The following CCT4 variants were observed in gnomAD, a reference collection of about 807,000 sequenced individuals.
CCT4 encodes chaperonin containing TCP1 subunit 4.
A neutral mutation model predicts 62.5 loss-of-function variants in CCT4; 17 were observed. The ratio of observed to expected loss-of-function variants is 0.27; its 90% confidence interval spans 0.19 to 0.41. CCT4 has a LOEUF of 0.41. Ranked by LOEUF, CCT4 falls within the 10% of genes least tolerant of loss-of-function variation. The pLI is 1.00. For missense variants in CCT4, 592 were observed against 659.2 expected (o/e 0.90, Z 1.12); for synonymous variants, 250 against 229.9 (o/e 1.09, Z -0.79).
At chr2:61,881,430 ATTTC>A (rs1232005906) in intron 3 of CCT4, among the ~76,000 whole-genome samples, 2 of 152,008 alleles carry the variant, frequency 1.3e-5, no homozygotes, top group African/African-American at 4.8e-5. Context: ...ACTGATAGAA[ATTTC>A]TTTCTAATGA....
In CCT4 at chr2:61,873,055, A is replaced by C. The variant is rs1195795909; in HGVS notation, c.1072T>G (p.Ser358Ala). ...TTGACCTCCTCAGCTAACTCAGCAG[A>C]ACCCAGCATGTCAGCAGTAAATTGG... The part of the protein sequence containing the change: ...IDQFTADMLG[S>A]AELAEEVNLN... The change falls in exon 10 of 14, where the codon TCT becomes GCT. Residue 358 changes from serine (S) to alanine (A), a missense_variant. This residue lies in a region of CCT4 where 522 missense variants were observed against 571.2 expected (regional missense o/e 0.91). Coordinates refer to ENST00000394440, the MANE Select transcript of CCT4 (RefSeq NM_006430.4). 2.5e-6 allele frequency: 4 copies of C among 1,613,618 alleles called. No individual in the cohort carries two copies. The Admixed American group carries it at 6.7e-5, about 27-fold the overall frequency.
intron 3 of CCT4, among the ~76,000 whole-genome samples, chr2:61,882,858 T>C (rs1365838298): frequency 1.3e-5 from 2 of 151,754 alleles, no homozygotes; most frequent in Non-Finnish European, 2.9e-5. Flanking sequence ...AATGGAGTGT[T>C]GTGGTGTGAT....
chr2:61,873,095 T>G lies in CCT4; in HGVS notation c.1032A>C (p.Pro344=). ...CAGTAAATTGGTCAATATGAGCAAC[T>G]GGCTTGGTTCCAATTGTCTGGAAAA... ...EFICKTIGTK[P]VAHIDQFTAD... Residue 344 remains proline (P), a synonymous_variant, in exon 10 of 14, where the codon CCA becomes CCC. Transcript: ENST00000394440. The G allele has an allele frequency of 1.2e-6, 2 of 1,609,566 alleles. No homozygotes were observed. Among genetic ancestry groups the G allele is most frequent in the Non-Finnish European group, 1.7e-6 (2 of 1,175,812 alleles).
chr2:61,874,300 T>C (rs544363646), intron 8 of CCT4, among the ~76,000 whole-genome samples: 1 of 152,140 alleles, frequency 6.6e-6, no homozygotes, highest in African/African-American at 2.4e-5. Flanking sequence ...GGCACATTAA[T>C]GGAGTAAATG....
At chr2:61,869,891 C>G (rs1283817641) in intron 12 of CCT4, among the ~76,000 whole-genome samples, 1 of 150,990 alleles carries the variant, frequency 6.6e-6, no homozygotes, top group Admixed American at 6.6e-5. Context: ...CTTGGCCTCC[C>G]AAAGTGCTGG....
intron 1 of CCT4, chr2:61,886,100 G>A (rs1669242379): frequency 6.6e-6 from 1 of 152,194 alleles, no homozygotes; most frequent in Non-Finnish European, 1.5e-5. Context: ...ATGCTACAGA[G>A]CAAGATACTC....
intron 8 of CCT4, among the ~76,000 whole-genome samples, chr2:61,875,753 T>A (rs1164958817): frequency 6.6e-6 from 1 of 152,206 alleles, no homozygotes; most frequent in South Asian, 2.1e-4. Context: ...GTTAGTTGGC[T>A]ATTTTAAAAA....
At chr2:61,873,502 G>A (rs972551424) in intron 8 of CCT4, among the ~76,000 whole-genome samples, 8 of 152,036 alleles carry the variant, frequency 5.3e-5, no homozygotes, top group Non-Finnish European at 7.4e-5. Flanking sequence ...AATGTACTCT[G>A]TCCCCAATGA....
chr2:61,881,082 T>C (rs1669101103), intron 3 of CCT4, among the ~76,000 whole-genome samples: 1 of 152,056 alleles, frequency 6.6e-6, no homozygotes, highest in Admixed American at 6.6e-5. Context: ...CCCTTGTAAG[T>C]ATAACCTGAT....
intron 5 of CCT4, 77 bp from the exon 6 acceptor site, chr2:61,877,591 A>G (rs986049249): frequency 1.8e-6 from 2 of 1,132,252 alleles, no homozygotes; most frequent in African/African-American, 3.2e-5. Context: ...AAAGATACTT[A>G]AGAAAGACTC....
At chr2:61,881,078 T>C (rs750808067) in intron 3 of CCT4, among the ~76,000 whole-genome samples, 15 of 152,056 alleles carry the variant, frequency 9.9e-5, no homozygotes, top group Admixed American at 3.9e-4. Context: ...AGACCCCTTG[T>C]AAGTATAACC....
Position 61,877,443 on chromosome 2 carries a change from G to A in CCT4, c.594C>T (p.Ala198=). 1 of 1,611,452 alleles carries A rather than the reference G, an allele frequency of 6.2e-7. No homozygotes were observed. Among genetic ancestry groups the A allele is most frequent in the Non-Finnish European group, 8.5e-7 (1 of 1,178,152 alleles). Residue 198 remains alanine, a synonymous_variant, in exon 6 of 14, where the codon GCC becomes GCT. Transcript: ENST00000394440. ...VNAVMKVIDP[A]TATSVDLRDI... Reference sequence around the variant, plus strand: ...CTCTAAGATCTACACTGGTGGCTGTGGCTGGGTCAATCACTTTCATCACTG... The same window carrying A: ...CTCTAAGATCTACACTGGTGGCTGTAGCTGGGTCAATCACTTTCATCACTG...
intron 7 of CCT4, 144 bp downstream of exon 7, chr2:61,876,776 C>G (rs560817565): frequency 3.0e-6 from 2 of 664,090 alleles, no homozygotes; most frequent in African/African-American, 3.8e-5. Flanking sequence ...GTGGCACCAA[C>G]AATTACTATT....
chr2:61,875,870 A>AT (rs1465536844), intron 8 of CCT4, among the ~76,000 whole-genome samples: 21 of 152,108 alleles, frequency 1.4e-4, no homozygotes, highest in Non-Finnish European at 2.5e-4. Flanking sequence ...AACTTATACC[A>AT]TTTTTTCCCT....
rs1233848754 is a variant in CCT4 at position 61,888,519 on chromosome 2, C to T, written c.-12G>A. 7 of 1,610,230 alleles carry T rather than the reference C, an allele frequency of 4.3e-6. No homozygotes were observed. In the African/African-American group the frequency reaches 9.3e-5, roughly 22 times the overall value. ...ACATTCTCGGGCATGGCAAACTCCG[C>T]TGTGTCTGGGTTGGCTCGGGAAGGA... On this transcript the variant is annotated 5_prime_UTR_variant, in exon 1 of 14. Coordinates refer to ENST00000394440, the MANE Select transcript of CCT4 (RefSeq NM_006430.4).
At chr2:61,872,805 T>A (rs897874429) in intron 10 of CCT4, among the ~76,000 whole-genome samples, 197 bp downstream of exon 10, 1 of 152,138 alleles carries the variant, frequency 6.6e-6, no homozygotes, top group East Asian at 1.9e-4. Context: ...CAGGCGCCTG[T>A]AGTCCCAGCT....
chr2:61,888,368 A>G lies in CCT4; in HGVS notation c.127+13T>C, dbSNP rs775728661. On this transcript the variant is annotated intron_variant, in intron 1 of 13. Transcript: ENST00000394440. Reference sequence around the variant, plus strand: ...ACCCCGCGGCGCCGCGGGTCAGGCCATGAGAGTGATACCTTTGGCGGCGGA... The same window carrying G: ...ACCCCGCGGCGCCGCGGGTCAGGCCGTGAGAGTGATACCTTTGGCGGCGGA... 9.9e-6 allele frequency: 16 copies of G among 1,609,674 alleles called. No individual in the cohort carries two copies. Among genetic ancestry groups the G allele is most frequent in the Admixed American group, 6.7e-5 (4 of 59,746 alleles).
intron 13 of CCT4, 68 bp downstream of exon 13, chr2:61,869,372 C>A (rs560168411): frequency 1.4e-4 from 127 of 898,908 alleles, no homozygotes; most frequent in Admixed American, 4.4e-4. Context: ...ACAACAACAA[C>A]AAAAAACCTT....
intron 4 of CCT4, among the ~76,000 whole-genome samples, 181 bp from the exon 5 acceptor site, chr2:61,879,192 C>T (rs1669060831): frequency 6.6e-6 from 1 of 151,446 alleles, no homozygotes; most frequent in African/African-American, 2.4e-5. Context: ...TAATAATTTA[C>T]TTCCATCCAA....
Sources: allele counts gnomAD v4.1 joint callset (sites outside exome capture counted in the v4.1 genomes callset), GRCh38; gene constraint gnomAD v4.1.1; regional missense constraint gnomAD v4.1.1; transcripts MANE v1.5; gene names NCBI Gene and HGNC (gene_info 2026-07-23, HGNC 2026-07-21).